The following GSTA5 variants were observed in gnomAD, a reference collection of about 807,000 sequenced individuals.
GSTA5 encodes glutathione S-transferase alpha 5, also known as glutathione S-transferase A5.
GSTA5 carries 25 observed loss-of-function variants against 21.8 expected under a neutral mutation model. That is an observed-to-expected ratio of 1.14 (90% CI 0.83 to 1.60). GSTA5 has a LOEUF of 1.60. GSTA5 is among the 40% of genes most tolerant of loss of function. The pLI, the probability that GSTA5 is intolerant of heterozygous loss-of-function variation, is 0.00. For synonymous variants in GSTA5, 102 were observed against 89.5 expected (o/e 1.14, Z -0.78); for missense variants, 330 against 259.2 (o/e 1.27, Z -1.88).
chr6:52,841,201 C>A (rs532071385), upstream of GSTA5, among the ~76,000 whole-genome samples: 309 of 152,328 alleles, frequency 2.0e-3, no homozygotes, highest in Middle Eastern at 3.4e-3. Context: ...ATATCTTTAA[C>A]CCTCCTTATA....
At chr6:52,835,452 A>T (rs1331573910) in intron 3 of GSTA5, among the ~76,000 whole-genome samples, 6 of 152,150 alleles carry the variant, frequency 3.9e-5, no homozygotes, top group Admixed American at 6.5e-5. Flanking sequence ...CTTTTTGAAT[A>T]CTATGAATAT....
chr6:52,836,489 A>G, intron 2 of GSTA5, 121 bp from the exon 3 acceptor site: 1 of 1,035,448 alleles, frequency 9.7e-7, no homozygotes, highest in Non-Finnish European at 1.4e-6. Flanking sequence ...TTGCCTGTTA[A>G]GTTTTCACTT....
At chr6:52,833,585 A>C (rs1764247847) in intron 4 of GSTA5, among the ~76,000 whole-genome samples, 1 of 152,176 alleles carries the variant, frequency 6.6e-6, no homozygotes, top group Non-Finnish European at 1.5e-5. Flanking sequence ...TTGCAAGCTG[A>C]AGTGTTTAGG....
At chr6:52,842,597 G>C (rs1019170263), upstream of GSTA5, among the ~76,000 whole-genome samples, 1 of 151,888 alleles carries the variant, frequency 6.6e-6, no homozygotes, top group Non-Finnish European at 1.5e-5. Context: ...TAGAGACAGG[G>C]CTTCAGCATG....
intron 5 of GSTA5, among the ~76,000 whole-genome samples, chr6:52,832,646 C>T (rs1161080777): frequency 6.6e-6 from 1 of 152,176 alleles, no homozygotes; most frequent in East Asian, 1.9e-4. Flanking sequence ...GCAAAATACT[C>T]TTCATGGGTT....
upstream of GSTA5, among the ~76,000 whole-genome samples, chr6:52,845,585 T>G (rs1270207741): frequency 6.6e-6 from 1 of 152,234 alleles, no homozygotes; most frequent in East Asian, 1.9e-4. Context: ...GAGGCTCAAC[T>G]AGAATCTAGT....
intron 1 of GSTA5, among the ~76,000 whole-genome samples, chr6:52,838,478 A>G (rs1764323016): frequency 6.6e-6 from 1 of 152,244 alleles, no homozygotes; most frequent in Non-Finnish European, 1.5e-5. Context: ...GAATTTTGAA[A>G]CTATACTTAG....
chr6:52,839,932 G>A (rs569705314), intron 1 of GSTA5, among the ~76,000 whole-genome samples: 1 of 152,322 alleles, frequency 6.6e-6, no homozygotes, highest in South Asian at 2.1e-4. Context: ...CCGCCCCAGG[G>A]CAGGGACTGT....
chr6:52,838,850 A>C (rs1764327153), intron 1 of GSTA5, among the ~76,000 whole-genome samples: 3 of 152,334 alleles, frequency 2.0e-5, no homozygotes. Flanking sequence ...TGGGAATATA[A>C]TATTTTCTTA....
intron 5 of GSTA5, 141 bp from the exon 6 acceptor site, chr6:52,832,111 C>G: frequency 8.5e-7 from 1 of 1,180,000 alleles, no homozygotes; most frequent in Non-Finnish European, 1.2e-6. Context: ...GAAACAGACA[C>G]CCAGTGAGAA....
intron 2 of GSTA5, among the ~76,000 whole-genome samples, chr6:52,836,684 G>A (rs1764298944): frequency 6.6e-6 from 1 of 152,126 alleles, no homozygotes; most frequent in Non-Finnish European, 1.5e-5. Context: ...GCTAATTTTT[G>A]TATTTTTAGT....
upstream of GSTA5, among the ~76,000 whole-genome samples, chr6:52,841,854 A>G (rs2127325577): frequency 6.6e-6 from 1 of 152,306 alleles, no homozygotes; most frequent in South Asian, 2.1e-4. Context: ...AAAACTAAAG[A>G]CTGAGTCTTA....
intron 2 of GSTA5, among the ~76,000 whole-genome samples, 157 bp downstream of exon 2, chr6:52,837,401 G>A (rs1311081964): frequency 6.6e-6 from 1 of 152,140 alleles, no homozygotes; most frequent in Non-Finnish European, 1.5e-5. Context: ...TGCCAGACCT[G>A]ATCAAGGAGC....
exon 6 of GSTA5, chr6:52,831,778 G>T: frequency 6.3e-7 from 1 of 1,576,960 alleles, no homozygotes; most frequent in Non-Finnish European, 8.6e-7. Flanking sequence ...CCACACTTAG[G>T]TAAAGCACTT....
At chr6:52,840,361 A>G (rs189689506) in intron 1 of GSTA5, among the ~76,000 whole-genome samples, 6 of 152,334 alleles carry the variant, frequency 3.9e-5, no homozygotes, top group Non-Finnish European at 7.4e-5. Context: ...AAACTGTTCT[A>G]AAGATAACCA....
At chr6:52,837,032 C>T (rs372182416) in intron 2 of GSTA5, among the ~76,000 whole-genome samples, 5 of 152,138 alleles carry the variant, frequency 3.3e-5, no homozygotes, top group African/African-American at 1.2e-4. Flanking sequence ...ATGGGAAGTT[C>T]TCAGGGTAAG....
intron 1 of GSTA5, among the ~76,000 whole-genome samples, chr6:52,838,598 C>T (rs4715352): frequency 0.16 from 25,107 of 152,200 alleles, 2,857 homozygotes; most frequent in Admixed American, 0.34. Flanking sequence ...TCAATCTGAC[C>T]AGAAGCTATG....
intron 4 of GSTA5, 78 bp from the exon 5 acceptor site, chr6:52,833,068 C>G (rs1764240540): frequency 6.4e-7 from 1 of 1,555,046 alleles, no homozygotes; most frequent in African/African-American, 1.4e-5. Context: ...AGCCTCTCCA[C>G]CCTGACTTTT....
At chr6:52,837,518 C>G (rs1458420733) in intron 2 of GSTA5, 40 bp downstream of exon 2, 1 of 1,360,424 alleles carries the variant, frequency 7.4e-7, no homozygotes. Flanking sequence ...GTACCTTCTA[C>G]TAGAAACTCT....
Sources: gnomAD v4.1 joint callset for allele counts (sites outside exome capture counted in the v4.1 genomes callset) on GRCh38, gnomAD v4.1.1 for gene constraint, MANE v1.5 for transcripts, NCBI Gene and HGNC (gene_info 2026-07-23, HGNC 2026-07-21) for gene names.